PRKN: variants seen among roughly 807,000 people sequenced by gnomAD.
PRKN encodes E3 ubiquitin-protein ligase parkin.
A neutral mutation model predicts 59.5 loss-of-function variants in PRKN; 56 were observed. The ratio of observed to expected loss-of-function variants is 0.94; its 90% CI spans 0.76 to 1.18. PRKN has a LOEUF of 1.18. Ranked by LOEUF, PRKN falls within the 50% of genes most tolerant of loss-of-function variation. PRKN has a pLI of 0.00. For missense variants in PRKN, 657 were observed against 596.4 expected, an observed-to-expected ratio of 1.10 and a Z score of -1.06; for synonymous variants, 250 against 222.1, an observed-to-expected ratio of 1.13 and a Z score of -1.12.
intron 6 of PRKN, among the ~76,000 whole-genome samples, chr6:161,842,170 A>T (rs1013169131): frequency 6.6e-6 from 1 of 152,154 alleles, no homozygotes; most frequent in African/African-American, 2.4e-5. Context: ...AAAGCATATA[A>T]GAGAGAAGTG....
Position 162,632,796 on chromosome 6 carries a change from A to T in PRKN, c.7+94866T>A, listed in dbSNP as rs561093848. On this transcript the variant is annotated intron_variant, in intron 1 of 11. Transcript: ENST00000366898. ...GCCCAAGACAAAAATCCAGTTTGTTACAATAATATAGCAAATGTCCTTAGA... is the reference window on the plus strand; with the variant it reads ...GCCCAAGACAAAAATCCAGTTTGTTTCAATAATATAGCAAATGTCCTTAGA... Among the ~76,000 whole-genome samples the T allele has an allele frequency of 1.3e-5, 2 of 152,238 alleles. 1 individual carries two copies. Among genetic ancestry groups the T allele is most frequent in the South Asian group, 4.1e-4 (2 of 4,828 alleles).
At chr6:161,666,581 A>T (rs1157752083) in intron 7 of PRKN, among the ~76,000 whole-genome samples, 2 of 152,226 alleles carry the variant, frequency 1.3e-5, no homozygotes, top group Non-Finnish European at 2.9e-5. Flanking sequence ...TTAAGTAAGA[A>T]AAAAGCCAGT....
At chr6:161,867,255 T>C (rs893227715) in intron 6 of PRKN, among the ~76,000 whole-genome samples, 1 of 152,234 alleles carries the variant, frequency 6.6e-6, no homozygotes, top group African/African-American at 2.4e-5. Context: ...GGCCAGATAG[T>C]AAATAATTTA....
intron 6 of PRKN, among the ~76,000 whole-genome samples, chr6:161,955,982 T>G (rs897291665): frequency 2.0e-5 from 3 of 152,226 alleles, no homozygotes; most frequent in African/African-American, 7.2e-5. Flanking sequence ...GTGGTAAGTT[T>G]GGAGAACAAA....
intron 1 of PRKN, among the ~76,000 whole-genome samples, chr6:162,578,656 C>T (rs1042692769): frequency 2.0e-5 from 3 of 152,158 alleles, no homozygotes; most frequent in Admixed American, 6.6e-5. Context: ...TTAGAATATA[C>T]TTTTCAAATG....
chr6:162,403,699 T>G (rs6934149), intron 2 of PRKN, among the ~76,000 whole-genome samples: 15,678 of 152,140 alleles, frequency 0.1, 991 homozygotes, highest in African/African-American at 0.18. Context: ...GTGTTCCATC[T>G]GAGGACAGAA....
rs1409553833 is a variant in PRKN, at chr6:161,549,122, G to A, written c.934-119C>T. Reference sequence around the variant, plus strand: ...CCAGTTTCAGTAAAATAATGCATGTGTGTGTGTGTGTGTGTGTGTAGGGGG... The same window carrying A: ...CCAGTTTCAGTAAAATAATGCATGTATGTGTGTGTGTGTGTGTGTAGGGGG... On this transcript the variant is annotated intron_variant, in intron 8 of 11. Transcript: ENST00000366898. This position sits in a 1 kb window ranked among gnomAD's most constrained non-coding sequence, Gnocchi z 6.0. 1.4e-5 allele frequency: 3 copies of A among 216,642 alleles called. No homozygotes were observed. Among genetic ancestry groups the A allele is most frequent in the African/African-American group, 5.0e-5 (1 of 20,012 alleles). The allele number at this position is 216,642 out of a possible 1,614,324, so 13.4% of individuals were successfully genotyped here.
At chr6:161,880,935 T>C (rs1471932096) in intron 6 of PRKN, among the ~76,000 whole-genome samples, 2 of 152,200 alleles carry the variant, frequency 1.3e-5, no homozygotes, top group African/African-American at 4.8e-5. Context: ...AACACCTGAT[T>C]AGTTAACTCA....
At chr6:162,437,078 C>A (rs369976568) in intron 2 of PRKN, among the ~76,000 whole-genome samples, 1 of 146,622 alleles carries the variant, frequency 6.8e-6, no homozygotes. Context: ...GGCGACAGAG[C>A]GAGACTCTGT....
intron 9 of PRKN, among the ~76,000 whole-genome samples, chr6:161,521,352 T>C (rs1778816744): frequency 6.6e-6 from 1 of 152,216 alleles, no homozygotes; most frequent in Admixed American, 6.5e-5. Flanking sequence ...TCTGACAAAT[T>C]ACCGAAAGCA....
intron 5 of PRKN, among the ~76,000 whole-genome samples, chr6:162,019,077 C>T (rs530922244): frequency 1.1e-4 from 16 of 152,150 alleles, no homozygotes; most frequent in Non-Finnish European, 1.8e-4. Flanking sequence ...TACAACATTT[C>T]AGGAAGAGCT....
rs1426536843 is a variant in PRKN, at chr6:161,362,361, G to A, written c.1168-2156C>T. 6.6e-6 allele frequency among the ~76,000 whole-genome samples: 1 copy of A among 152,192 alleles called. No homozygotes were observed. Among genetic ancestry groups the A allele is most frequent in the Non-Finnish European group, 1.5e-5 (1 of 68,038 alleles). On this transcript the variant is annotated intron_variant, in intron 10 of 11. Coordinates refer to ENST00000366898, the MANE Select transcript of PRKN (RefSeq NM_004562.3). The surrounding 1 kb of genome is among the most constrained non-coding windows in gnomAD (Gnocchi z 5.2). Reference sequence around the variant, plus strand: ...TGTGGGGCTATCTTCTTAGTCCCGCGCTGCCCATCATCTGGGTCTTCCCAG... The same window carrying A: ...TGTGGGGCTATCTTCTTAGTCCCGCACTGCCCATCATCTGGGTCTTCCCAG...
chr6:161,666,604 C>CAAAT (rs1284234645), intron 7 of PRKN, among the ~76,000 whole-genome samples: 13 of 152,172 alleles, frequency 8.5e-5, no homozygotes, highest in Admixed American at 8.5e-4. Flanking sequence ...GTCATTGCAA[C>CAAAT]AAATAAAAAC....
At chr6:162,503,157 T>TTTTTTTTTG (rs1793449986) in intron 1 of PRKN, among the ~76,000 whole-genome samples, 1 of 149,354 alleles carries the variant, frequency 6.7e-6, no homozygotes, top group African/African-American at 2.5e-5. Context: ...TTTTTTTTTT[T>TTTTTTTTTG]TTGTTGGCCG....
intron 5 of PRKN, among the ~76,000 whole-genome samples, chr6:161,997,215 T>C (rs576712470): frequency 1.2e-4 from 18 of 152,248 alleles, no homozygotes; most frequent in African/African-American, 3.6e-4. Context: ...ACTCATTAAA[T>C]ATAGTGACTT....
chr6:162,716,757 T>TGC (rs1474758050), intron 1 of PRKN, among the ~76,000 whole-genome samples: 1 of 146,424 alleles, frequency 6.8e-6, no homozygotes, highest in African/African-American at 2.6e-5. Context: ...CCTACCCGCC[T>TGC]GCGCGCGCGC....
intron 6 of PRKN, among the ~76,000 whole-genome samples, chr6:161,839,098 G>A (rs191994864): frequency 1.6e-4 from 24 of 152,232 alleles, no homozygotes; most frequent in Admixed American, 2.6e-4. Flanking sequence ...GAGAAGAAGC[G>A]CTGTTAAGTG....
At chr6:161,776,802 T>C (rs1056602283) in intron 7 of PRKN, among the ~76,000 whole-genome samples, 1 of 152,184 alleles carries the variant, frequency 6.6e-6, no homozygotes, top group Non-Finnish European at 1.5e-5. Flanking sequence ...TGGGTTAAAC[T>C]CTCAGCTTTC....
Position 161,450,701 on chromosome 6 carries a change from T to G in PRKN, c.1084-63824A>C, listed in dbSNP as rs963690169. On this transcript the variant is annotated intron_variant, in intron 9 of 11. Coordinates refer to ENST00000366898, the MANE Select transcript of PRKN (RefSeq NM_004562.3). ...CCTCCCGAGCAGCTGGGACTACAGG[T>G]GCCCGCCACCACACCCAGCTAATTT... Among the ~76,000 whole-genome samples, 14 of 151,992 alleles carry G rather than the reference T, an allele frequency of 9.2e-5. No individual in the cohort carries two copies. In the South Asian group the frequency reaches 1.0e-3, roughly 11 times the overall value.
Sources: allele counts gnomAD v4.1 joint callset (sites outside exome capture counted in the v4.1 genomes callset), GRCh38; gene constraint gnomAD v4.1.1; non-coding constraint Gnocchi (gnomAD v3.1); transcripts MANE v1.5; gene names NCBI Gene and HGNC (gene_info 2026-07-23, HGNC 2026-07-21).